The following PRKN variants were observed in gnomAD, a reference collection of about 807,000 sequenced individuals.
PRKN encodes the protein parkin RBR E3 ubiquitin protein ligase.
Under a neutral mutation model 59.5 loss-of-function variants are expected in PRKN, and 56 were observed. The observed-to-expected ratio is 0.94, with a 90% CI of 0.76 to 1.18. The LOEUF is 1.18. Among genes scored for constraint, PRKN ranks in the 50% most tolerant of loss-of-function variants. The probability of loss-of-function intolerance (pLI) is 0.00; values close to 1 mark genes in which losing one functional copy is unlikely to be tolerated. For missense variants in PRKN, 657 were observed against 596.4 expected, an observed-to-expected ratio of 1.10 and a Z score of -1.06; for synonymous variants, 250 against 222.1, an observed-to-expected ratio of 1.13 and a Z score of -1.12.
intron 6 of PRKN, among the ~76,000 whole-genome samples, chr6:161,796,842 A>G (rs112699643): frequency 1.1e-4 from 17 of 152,324 alleles, no homozygotes; most frequent in African/African-American, 4.1e-4. Flanking sequence ...GCCATCTGTA[A>G]TACATACTAA....
Position 161,445,213 on chromosome 6 carries a change from G to C in PRKN, c.1084-58336C>G, listed in dbSNP as rs1485916773. 2.0e-5 allele frequency among the ~76,000 whole-genome samples: 3 copies of C among 152,140 alleles called. No homozygotes were observed. The highest frequency in any genetic ancestry group is 7.2e-5 in the African/African-American group (3 of 41,414). On this transcript the variant is annotated intron_variant, in intron 9 of 11. Coordinates refer to ENST00000366898, the MANE Select transcript of PRKN (RefSeq NM_004562.3). This position sits in a 1 kb window ranked among gnomAD's most constrained non-coding sequence, Gnocchi z 7.7. ...AGTCAGACAGGAACGGGGAGAGGGG[G>C]CTCAACTTTCTGACGGCCACTTAGA...
chr6:161,783,561 A>T (rs1790297397), intron 7 of PRKN: 1 of 470,934 alleles, frequency 2.1e-6, no homozygotes, highest in Middle Eastern at 3.3e-4. Flanking sequence ...AAAAAGATAC[A>T]CATTAAAAGA....
intron 9 of PRKN, among the ~76,000 whole-genome samples, chr6:161,506,628 G>A (rs1778181983): frequency 6.6e-6 from 1 of 152,228 alleles, no homozygotes; most frequent in African/African-American, 2.4e-5. Context: ...TGAGACAAGT[G>A]CAGAAAGGAG....
intron 6 of PRKN, among the ~76,000 whole-genome samples, chr6:161,852,320 G>T (rs1276941407): frequency 6.6e-6 from 1 of 152,026 alleles, no homozygotes; most frequent in Admixed American, 6.6e-5. Flanking sequence ...CCAGGTGGTG[G>T]TGCAAGCCTA....
Position 162,011,589 on chromosome 6 carries a change from G to C in PRKN, c.619-38172C>G, listed in dbSNP as rs1449128874. ...ATATTTTTATTTTCTATTTTACTTT[G>C]TTTTGCAGTGCTATGAATAATTGAC... On this transcript the variant is annotated intron_variant, in intron 5 of 11. Transcript: ENST00000366898. 2.8e-4 allele frequency among the ~76,000 whole-genome samples: 38 copies of C among 135,270 alleles called. 1 individual carries two copies. Among genetic ancestry groups the C allele is most frequent in the African/African-American group, 1.1e-3 (38 of 36,012 alleles). The allele number at this position is 135,270 out of a possible 152,430, so 88.7% of individuals were successfully genotyped here.
rs1781445078 is a variant in PRKN, at chr6:161,584,238, G to A, written c.872-14822C>T. Among the ~76,000 whole-genome samples, 1 of 152,118 alleles carries A rather than the reference G, an allele frequency of 6.6e-6. No individual in the cohort carries two copies. The highest frequency in any genetic ancestry group is 2.4e-5 in the African/African-American group (1 of 41,432). The stretch of plus-strand genomic sequence containing the variant: ...GCAACCCTGCAGGCAACATAATTAT[G>A]AAAAATGTCTGTGCTCAATACAGCC... On this transcript the variant is annotated intron_variant, in intron 7 of 11. Coordinates refer to ENST00000366898, the MANE Select transcript of PRKN (RefSeq NM_004562.3). The surrounding 1 kb of genome is among the most constrained non-coding windows in gnomAD (Gnocchi z 4.8).
At chr6:162,324,275 G>C (rs1783168519) in intron 2 of PRKN, among the ~76,000 whole-genome samples, 1 of 152,070 alleles carries the variant, frequency 6.6e-6, no homozygotes, top group African/African-American at 2.4e-5. Flanking sequence ...GCTTCTTGAG[G>C]CTGGGAAAGA....
intron 4 of PRKN, among the ~76,000 whole-genome samples, chr6:162,076,550 C>T (rs1330482367): frequency 3.3e-5 from 5 of 152,008 alleles, no homozygotes; most frequent in Non-Finnish European, 7.4e-5. Context: ...ATCATTCAGG[C>T]CTGTTTCTTT....
chr6:161,797,420 C>T (rs752550029), intron 6 of PRKN, among the ~76,000 whole-genome samples: 4 of 152,076 alleles, frequency 2.6e-5, no homozygotes, highest in Admixed American at 1.3e-4. Context: ...GCACACACCA[C>T]CACATCTGGC....
chr6:162,160,257 T>C (rs556702956), intron 4 of PRKN, among the ~76,000 whole-genome samples: 2 of 152,218 alleles, frequency 1.3e-5, no homozygotes, highest in South Asian at 4.2e-4. Context: ...CAGACTAAAT[T>C]TTAACAAATA....
intron 6 of PRKN, among the ~76,000 whole-genome samples, chr6:161,874,142 AAATAT>A (rs1794496502): frequency 2.0e-5 from 1 of 50,756 alleles, no homozygotes; most frequent in East Asian, 6.1e-4. Context: ...ATTATATGTA[AAATAT>A]AATATATATT....
intron 2 of PRKN, among the ~76,000 whole-genome samples, chr6:162,342,177 A>G (rs1784208168): frequency 6.6e-6 from 1 of 152,222 alleles, no homozygotes; most frequent in Admixed American, 6.5e-5. Context: ...TGGCAAAAGT[A>G]GAGGCAAGAA....
chr6:162,382,000 A>T (rs985624682), intron 2 of PRKN, among the ~76,000 whole-genome samples: 1 of 152,180 alleles, frequency 6.6e-6, no homozygotes, highest in Non-Finnish European at 1.5e-5. Context: ...CGTGGGTCAC[A>T]CTTAGGGGGT....
At chr6:162,024,159 A>G (rs1481284548) in intron 5 of PRKN, among the ~76,000 whole-genome samples, 1 of 147,500 alleles carries the variant, frequency 6.8e-6, no homozygotes, top group Non-Finnish European at 1.5e-5. Context: ...TGTGTCAGGT[A>G]CGAGTCCCTC....
intron 7 of PRKN, among the ~76,000 whole-genome samples, chr6:161,589,071 T>G (rs1201218676): frequency 6.6e-6 from 1 of 152,226 alleles, no homozygotes; most frequent in Non-Finnish European, 1.5e-5. Flanking sequence ...GAATGAGAAA[T>G]AGTATATTTC....
chr6:162,694,921 A>G (rs1025161904), intron 1 of PRKN: 4 of 152,224 alleles, frequency 2.6e-5, no homozygotes, highest in African/African-American at 9.6e-5. Context: ...AACAAAACTT[A>G]GCACCACAAT....
At chr6:162,464,399 T>A (rs1004011963) in intron 1 of PRKN, among the ~76,000 whole-genome samples, 2 of 152,196 alleles carry the variant, frequency 1.3e-5, no homozygotes, top group African/African-American at 4.8e-5. Flanking sequence ...TCATTTATGA[T>A]AACTTTTATT....
chr6:161,743,234 T>TTTTTTTG lies in PRKN; in HGVS notation c.871+42537_871+42538insCAAAAAA, dbSNP rs1452511257. On this transcript the variant is annotated intron_variant, in intron 7 of 11. Transcript: ENST00000366898. ...CTACCTTTTTTTTTTTTTTTTTTTT[T>TTTTTTTG]TTTTTGAGACGGAGTCTCTCTGTCG... Among the ~76,000 whole-genome samples the TTTTTTTG allele has an allele frequency of 5.3e-4, 72 of 136,142 alleles. 2 individuals carry two copies. Among genetic ancestry groups the TTTTTTTG allele is most frequent in the African/African-American group, 1.9e-3 (70 of 37,116 alleles). 89.3% of individuals were successfully genotyped at this position (136,142 alleles called of 152,430 possible). A position where few individuals can be genotyped will look rare whatever the true frequency, so the allele number is the denominator to read the frequency against.
intron 4 of PRKN, among the ~76,000 whole-genome samples, chr6:162,082,999 A>G (rs975760515): frequency 3.3e-5 from 5 of 152,092 alleles, no homozygotes; most frequent in African/African-American, 1.2e-4. Flanking sequence ...TGTATTGCTC[A>G]GGCTGGATGC....
Sources: gnomAD v4.1 joint callset for allele counts (sites outside exome capture counted in the v4.1 genomes callset) on GRCh38, gnomAD v4.1.1 for gene constraint, Gnocchi (gnomAD v3.1) non-coding constraint, MANE v1.5 for transcripts, NCBI Gene and HGNC (gene_info 2026-07-23, HGNC 2026-07-21) for gene names.